The following SLC9C2 variants were observed in gnomAD, a reference collection of about 807,000 sequenced individuals.
The protein encoded by SLC9C2 is solute carrier family 9 member C2 (putative).
A neutral mutation model predicts 140.2 loss-of-function variants in SLC9C2; 75 were observed. That is an observed-to-expected ratio of 0.53 (90% confidence interval 0.44 to 0.65). The LOEUF is 0.65. Ranked by LOEUF, SLC9C2 falls within the 30% of genes least tolerant of loss-of-function variation. The pLI, the probability that SLC9C2 is intolerant of heterozygous loss-of-function variation, is 0.00. For missense variants in SLC9C2, 1,074 were observed against 1,331.8 expected (o/e 0.81, Z 3.01); for synonymous variants, 375 against 420.9 (o/e 0.89, Z 1.34).
At chr1:173,551,483 T>C (rs926903207) in intron 11 of SLC9C2, among the ~76,000 whole-genome samples, 12 of 152,232 alleles carry the variant, frequency 7.9e-5, no homozygotes, top group African/African-American at 2.9e-4. Flanking sequence ...CAACCCTGCA[T>C]CTAGCAAGTC....
At chr1:173,571,612 C>G (rs990840757) in intron 9 of SLC9C2, 1 of 152,062 alleles carries the variant, frequency 6.6e-6, no homozygotes, top group Non-Finnish European at 1.5e-5. Flanking sequence ...ATATTATATT[C>G]TTCATTTAAC....
chr1:173,557,635 A>G, intron 9 of SLC9C2, 127 bp from the exon 10 acceptor site: 1 of 829,038 alleles, frequency 1.2e-6, no homozygotes, highest in Admixed American at 2.9e-5. Context: ...AATGCAATTT[A>G]CTGTTAAGTC....
In SLC9C2 at chr1:173,583,637, A is replaced by G; in HGVS notation, c.524-15T>C. On this transcript the variant is annotated splice_polypyrimidine_tract_variant and intron_variant, in intron 5 of 27. Coordinates refer to ENST00000367714, the MANE Select transcript of SLC9C2 (RefSeq NM_178527.4). ...TTTAGAAATGCCTGAAAAAGGAAAT[A>G]CAAAATGTAACTCAATATGCTACAT... 7.8e-7 allele frequency: 1 copy of G among 1,287,976 alleles called. No individual in the cohort carries two copies. Among genetic ancestry groups the G allele is most frequent in the Non-Finnish European group, 1.1e-6 (1 of 910,510 alleles). 79.8% of individuals were successfully genotyped at this position (1,287,976 alleles called of 1,614,324 possible).
chr1:173,512,720 G>A lies in SLC9C2; in HGVS notation c.2908-3021C>T, dbSNP rs956355671. ...AGAAGTGGTGAGAGAGGGTATCCTC[G>A]TCTTGTGCCAGGTTCCAAAGGAAAT... On this transcript the variant is annotated intron_variant, in intron 23 of 27. Coordinates refer to ENST00000367714, the MANE Select transcript of SLC9C2 (RefSeq NM_178527.4). 1.8e-4 allele frequency among the ~76,000 whole-genome samples: 28 copies of A among 152,098 alleles called. 1 individual carries two copies. The highest frequency in any genetic ancestry group is 6.2e-4 in the South Asian group (3 of 4,826).
intron 7 of SLC9C2, among the ~76,000 whole-genome samples, chr1:173,581,592 AAAGTCAAATG>A (rs1254659487): frequency 6.6e-6 from 1 of 152,210 alleles, no homozygotes; most frequent in African/African-American, 2.4e-5. Context: ...GACTATATAC[AAAGTCAAATG>A]AAGAGTCCAA....
intron 7 of SLC9C2, among the ~76,000 whole-genome samples, chr1:173,578,378 T>C (rs1186653191): frequency 6.6e-6 from 1 of 152,252 alleles, no homozygotes; most frequent in Admixed American, 6.5e-5. Context: ...AAAGAATGTA[T>C]AAGTGAGAAT....
At chr1:173,521,512 ATG>A (rs532466160) in intron 21 of SLC9C2, 113 bp from the exon 22 acceptor site, 91 of 269,574 alleles carry the variant, frequency 3.4e-4, no homozygotes, top group East Asian at 1.0e-3. Flanking sequence ...TTTATTATAT[ATG>A]TGTGTGTGTG....
chr1:173,522,739 C>T (rs971706250), intron 21 of SLC9C2, among the ~76,000 whole-genome samples: 3 of 152,200 alleles, frequency 2.0e-5, no homozygotes, highest in African/African-American at 7.2e-5. Context: ...CCCTCTGCAA[C>T]TGCCCTGACT....
chr1:173,555,005 C>A (rs1409219609), intron 10 of SLC9C2, among the ~76,000 whole-genome samples, 191 bp from the exon 11 acceptor site: 2 of 152,190 alleles, frequency 1.3e-5, no homozygotes, highest in Non-Finnish European at 2.9e-5. Context: ...TACACTGGGG[C>A]AGACATTAAT....
At chr1:173,563,217 A>AG (rs1189883278) in intron 9 of SLC9C2, among the ~76,000 whole-genome samples, 5 of 151,690 alleles carry the variant, frequency 3.3e-5, no homozygotes, top group Non-Finnish European at 5.9e-5. Flanking sequence ...CCAGCTGATG[A>AG]GGGGGGCAGG....
chr1:173,587,311 C>T (rs867867869), intron 5 of SLC9C2, among the ~76,000 whole-genome samples: 16 of 152,090 alleles, frequency 1.1e-4, no homozygotes, highest in African/African-American at 1.9e-4. Flanking sequence ...TAATGTTTCC[C>T]CTTATTGGTA....
At chr1:173,562,166 G>A (rs1396383943) in intron 9 of SLC9C2, among the ~76,000 whole-genome samples, 1 of 152,080 alleles carries the variant, frequency 6.6e-6, no homozygotes, top group Non-Finnish European at 1.5e-5. Context: ...AATGACTATT[G>A]AAAAACATTC....
In SLC9C2 at chr1:173,573,247, G is replaced by T; in HGVS notation, c.981C>A (p.Leu327=). ...FFGIVIGCGE[L]SHYEFHTIPF... is the part of the protein sequence containing the mutation. ...GTATAGTGTGAAATTCATAGTGGCT[G>T]AGTTCTCCACATCCAATCACAATGC... is the stretch of plus-strand genomic sequence containing the variant. Residue 327 remains leucine (L), a synonymous_variant, in exon 9 of 28, where the codon CTC becomes CTA. Transcript: ENST00000367714. 6.3e-7 allele frequency: 1 copy of T among 1,586,242 alleles called. No individual in the cohort carries two copies. Among genetic ancestry groups the T allele is most frequent in the Non-Finnish European group, 8.7e-7 (1 of 1,155,906 alleles).
intron 22 of SLC9C2, 33 bp from the exon 23 acceptor site, chr1:173,517,737 GA>G: frequency 1.3e-6 from 2 of 1,559,280 alleles, no homozygotes; most frequent in East Asian, 2.3e-5. Flanking sequence ...CAAAGGGAAA[GA>G]AAAAATGAAA....
chr1:173,506,901 CTCTG>C lies in SLC9C2; in HGVS notation c.3176_3179del (p.Thr1059ArgfsTer23), dbSNP rs867735198. The C allele has an allele frequency of 1.9e-6, 3 of 1,613,454 alleles. No individual in the cohort carries two copies. Among genetic ancestry groups the C allele is most frequent in the East Asian group, 2.2e-5 (1 of 44,874 alleles). ...TAATGCAAGGTGCAAAATATGGTTCCTCTGTCTTAGTATCAATTACACTGCCATA... is the reference window on the plus strand; with the variant it reads ...TAATGCAAGGTGCAAAATATGGTTCCTCTTAGTATCAATTACACTGCCATA... On this transcript the variant is annotated frameshift_variant, in exon 25 of 28. Transcript: ENST00000367714. LOFTEE classifies it high-confidence loss of function.
At chr1:173,586,863 A>T (rs1156951778) in intron 5 of SLC9C2, among the ~76,000 whole-genome samples, 1 of 152,094 alleles carries the variant, frequency 6.6e-6, no homozygotes, top group Non-Finnish European at 1.5e-5. Context: ...GAAGCAACAC[A>T]CACCGGGGCC....
At chr1:173,540,469 G>A (rs1662304987) in intron 13 of SLC9C2, among the ~76,000 whole-genome samples, 1 of 152,150 alleles carries the variant, frequency 6.6e-6, no homozygotes. Context: ...AAAACATACT[G>A]CATTAGCTTT....
intron 13 of SLC9C2, among the ~76,000 whole-genome samples, chr1:173,543,825 C>T (rs1662627867): frequency 6.6e-6 from 1 of 152,130 alleles, no homozygotes; most frequent in African/African-American, 2.4e-5. Context: ...AAACTGGATC[C>T]CTTCCTTACA....
At chr1:173,505,416 A>G in intron 25 of SLC9C2, 85 bp from the exon 26 acceptor site, 2 of 1,005,680 alleles carry the variant, frequency 2.0e-6, no homozygotes, top group East Asian at 5.1e-5. Flanking sequence ...AAGAGTATAA[A>G]AAATAAGCCA....
Sources: allele counts gnomAD v4.1 joint callset (sites outside exome capture counted in the v4.1 genomes callset), GRCh38; gene constraint gnomAD v4.1.1; transcripts MANE v1.5; gene names NCBI Gene and HGNC (gene_info 2026-07-23, HGNC 2026-07-21).